Variants in PIK3C2G observed in about 807,000 individuals in gnomAD.
PIK3C2G encodes the protein phosphatidylinositol-4-phosphate 3-kinase catalytic subunit type 2 gamma.
PIK3C2G carries 168 observed loss-of-function variants against 181.1 expected under a neutral mutation model. That is an observed-to-expected ratio of 0.93 (90% CI 0.82 to 1.05). The LOEUF (loss-of-function observed/expected upper bound fraction) is 1.05, where lower values mean the gene tolerates loss of function less well. Among genes scored for constraint, PIK3C2G ranks in the 50% least tolerant of loss-of-function variants. The probability of loss-of-function intolerance (pLI) is 0.00; values close to 1 mark genes in which losing one functional copy is unlikely to be tolerated. For missense variants in PIK3C2G, 1,869 were observed against 1,732.8 expected (o/e 1.08, Z -1.40); for synonymous variants, 573 against 592.2 (o/e 0.97, Z 0.47).
intron 1 of PIK3C2G, among the ~76,000 whole-genome samples, chr12:18,280,795 G>A (rs531967314): frequency 6.9e-4 from 105 of 152,086 alleles, no homozygotes; most frequent in African/African-American, 2.4e-3. Context: ...GAGTCCCAGA[G>A]TCAATACAAT....
the PIK3C2G span, chr12:18,685,692 G>T: frequency 1.2e-5 from 6 of 511,394 alleles, no homozygotes; most frequent in African/African-American, 9.7e-5. Flanking sequence ...GGGTACAGAG[G>T]CAGGTTTAGA....
intron 18 of PIK3C2G, among the ~76,000 whole-genome samples, chr12:18,427,331 C>T (rs1321872700): frequency 6.6e-6 from 1 of 150,866 alleles, no homozygotes. Context: ...CACGGTGAAA[C>T]CCCCATTTCT....
chr12:18,255,586 C>A (rs1948137985), intron 1 of PIK3C2G, among the ~76,000 whole-genome samples: 1 of 152,172 alleles, frequency 6.6e-6, no homozygotes, highest in South Asian at 2.1e-4. Context: ...GGCGAGGGAG[C>A]AGACAGGAGA....
At chr12:18,607,212 A>C in intron 30 of PIK3C2G, 1 of 513,940 alleles carries the variant, frequency 1.9e-6, no homozygotes, top group South Asian at 1.4e-5. Flanking sequence ...ATGGTTAACA[A>C]AATGATTTTA....
intron 29 of PIK3C2G, among the ~76,000 whole-genome samples, chr12:18,583,078 A>C (rs1423603618): frequency 2.6e-5 from 4 of 152,164 alleles, no homozygotes; most frequent in Admixed American, 1.3e-4. Flanking sequence ...AGAAGCAGCC[A>C]GACTGCTTTT....
intron 30 of PIK3C2G, among the ~76,000 whole-genome samples, chr12:18,596,787 G>A (rs942896395): frequency 6.6e-6 from 1 of 152,056 alleles, no homozygotes; most frequent in African/African-American, 2.4e-5. Context: ...ACTAGTTAAT[G>A]GTCTAGCTAC....
intron 27 of PIK3C2G, 74 bp downstream of exon 27, chr12:18,562,966 C>T: frequency 3.1e-6 from 3 of 954,954 alleles, no homozygotes; most frequent in Admixed American, 2.4e-5. Context: ...CTATGCTACA[C>T]AGCCTTTCTT....
chr12:18,492,658 C>T (rs1357857176), intron 20 of PIK3C2G, among the ~76,000 whole-genome samples: 2 of 152,208 alleles, frequency 1.3e-5, no homozygotes, highest in Non-Finnish European at 2.9e-5. Context: ...GTAGAAAGAA[C>T]AACAGGGATC....
At position 18,399,769 on chromosome 12, in the gene PIK3C2G, C is replaced by A. The variant is rs553790743; in HGVS notation, c.2237C>A (p.Thr746Asn). Residue 746 changes from threonine to asparagine, a missense_variant, in exon 16 of 33, where the codon ACT (threonine) becomes AAT (asparagine). Coordinates refer to ENST00000538779, the MANE Select transcript of PIK3C2G (RefSeq NM_001288772.2). The stretch of plus-strand genomic sequence containing the variant: ...AGTGCCCCTGGATGGGATGAAAGGA[C>A]TGTTTCAGAAATGCATACCATTTTG... ...LGSAPGWDER[T>N]VSEMHTILRR... 9.3e-6 allele frequency: 15 copies of A among 1,608,270 alleles called. No homozygotes were observed. In the South Asian group the frequency reaches 1.3e-4, roughly 14 times the overall value.
chr12:18,661,804 A>T, the PIK3C2G span, among the ~76,000 whole-genome samples: 1 of 152,128 alleles, frequency 6.6e-6, no homozygotes, highest in South Asian at 2.1e-4. Context: ...ACCCAAAGGA[A>T]TATAAATTGT....
rs202195569 is a variant in PIK3C2G, at chr12:18,503,641, A to AT, written c.3153+233dup. 6.6e-3 allele frequency among the ~76,000 whole-genome samples: 1,002 copies of AT among 151,622 alleles called. 10 individuals carry two copies. Among genetic ancestry groups the AT allele is most frequent in the African/African-American group, 0.023 (968 of 41,346 alleles). ...GTGAAATTCCTGGTTATCAATAAAG[A>AT]TTTTTTTTTGCTCAGCTGCCATCCT... On this transcript the variant is annotated intron_variant, in intron 23 of 32. Coordinates refer to ENST00000538779, the MANE Select transcript of PIK3C2G (RefSeq NM_001288772.2).
chr12:18,356,689 G>C (rs1940766851), intron 11 of PIK3C2G, among the ~76,000 whole-genome samples: 2 of 152,104 alleles, frequency 1.3e-5, no homozygotes, highest in Non-Finnish European at 2.9e-5. Flanking sequence ...GAAAGGAGAT[G>C]GAGTGGGAAG....
intron 1 of PIK3C2G, among the ~76,000 whole-genome samples, chr12:18,253,851 A>AT (rs34003056): frequency 0.49 from 71,797 of 145,632 alleles, 17,670 homozygotes; most frequent in East Asian, 0.73. Flanking sequence ...GGCTTCAATT[A>AT]TTTTTTTTTT....
intron 31 of PIK3C2G, among the ~76,000 whole-genome samples, chr12:18,625,181 C>A (rs1949040522): frequency 6.6e-6 from 1 of 151,456 alleles, no homozygotes; most frequent in Non-Finnish European, 1.5e-5. Context: ...TGTTTTTAGA[C>A]CTGTTTTTGC....
chr12:18,329,645 A>G (rs1179919084), intron 8 of PIK3C2G, among the ~76,000 whole-genome samples: 2 of 152,032 alleles, frequency 1.3e-5, no homozygotes, highest in Non-Finnish European at 1.5e-5. Context: ...CCATTAAAAG[A>G]CTGGACTTCA....
At chr12:18,723,583 A>C in the PIK3C2G span, 16 of 1,406,504 alleles carry the variant, frequency 1.1e-5, no homozygotes, top group Non-Finnish European at 1.5e-5. Context: ...TGTGAGTATA[A>C]AAAATACATA....
chr12:18,303,139 T>TTTCTTCTTTCTTTCTTTC (rs71302109), intron 5 of PIK3C2G, among the ~76,000 whole-genome samples: 12 of 128,660 alleles, frequency 9.3e-5, no homozygotes, highest in African/African-American at 3.0e-4. Flanking sequence ...TCTTTCTTTC[T>TTTCTTCTTTCTTTCTTTC]TTTCTTTTCT....
intron 30 of PIK3C2G, among the ~76,000 whole-genome samples, chr12:18,605,466 G>A (rs1324553081): frequency 2.0e-5 from 3 of 152,042 alleles, no homozygotes; most frequent in African/African-American, 4.8e-5. Context: ...AAGAAGAATT[G>A]GTACCAATCC....
rs76148199 is a variant in PIK3C2G at position 18,435,336 on chromosome 12, T to C, written c.2504+11297T>C. Among the ~76,000 whole-genome samples the C allele has an allele frequency of 7.0e-3, 1,063 of 152,218 alleles. 6 individuals carry two copies. The highest frequency in any genetic ancestry group is 0.019 in the African/African-American group (777 of 41,548). On this transcript the variant is annotated intron_variant, in intron 18 of 32. Coordinates refer to ENST00000538779, the MANE Select transcript of PIK3C2G (RefSeq NM_001288772.2). ...CCTTTGGTATCATCTACTTGGACTA[T>C]CACTACCGCTTCCAGGCTGTTTTCC...
Sources: allele counts gnomAD v4.1 joint callset (sites outside exome capture counted in the v4.1 genomes callset), GRCh38; gene constraint gnomAD v4.1.1; transcripts MANE v1.5; gene names NCBI Gene and HGNC (gene_info 2026-07-23, HGNC 2026-07-21).